ERCC4: variants seen among roughly 807,000 people sequenced by gnomAD.
ERCC4 encodes the protein ERCC excision repair 4, endonuclease catalytic subunit.
A neutral mutation model predicts 76.9 loss-of-function variants in ERCC4; 65 were observed. The observed-to-expected ratio is 0.84, with a 90% CI of 0.69 to 1.04. The LOEUF (loss-of-function observed/expected upper bound fraction) is 1.04. Among genes scored for constraint, ERCC4 ranks in the 50% least tolerant of loss-of-function variants. The pLI, the probability that ERCC4 is intolerant of heterozygous loss-of-function variation, is 0.00. For missense variants in ERCC4, 1,214 were observed against 1,128.2 expected, an observed-to-expected ratio of 1.08 and a Z score of -1.09; for synonymous variants, 463 against 410.1, an observed-to-expected ratio of 1.13 and a Z score of -1.56.
chr16:13,948,253 G>A lies in ERCC4; in HGVS notation c.2657G>A (p.Ser886Asn), dbSNP rs1474828281. ...GCCCTGTCACAAGACGAGCTCACGA[G>A]TATTCTGGGGAATGCTGCAAATGCC... ...LAALSQDELT[S>N]ILGNAANAKQ... The change falls in exon 11 of 11, where the codon AGT becomes AAT. Residue 886 changes from serine to asparagine, a missense_variant. Transcript: ENST00000311895. 1.2e-6 allele frequency: 2 copies of A among 1,614,016 alleles called. No homozygotes were observed. Among genetic ancestry groups the A allele is most frequent in the Non-Finnish European group, 1.7e-6 (2 of 1,180,034 alleles).
chr16:13,933,775 G>A (rs3136136), intron 6 of ERCC4: 22,563 of 159,818 alleles, frequency 0.14, 3,055 homozygotes, highest in African/African-American at 0.36. Context: ...GTTTGAATGC[G>A]TATAGGAACA....
chr16:13,941,500 A>C (rs1169251063), intron 9 of ERCC4, among the ~76,000 whole-genome samples: 1 of 152,224 alleles, frequency 6.6e-6, no homozygotes, highest in Non-Finnish European at 1.5e-5. Context: ...ATGTGCTTTT[A>C]CCAAGACCTC....
intron 4 of ERCC4, among the ~76,000 whole-genome samples, chr16:13,928,974 T>A (rs1404881996): frequency 6.6e-6 from 1 of 152,194 alleles, no homozygotes; most frequent in Non-Finnish European, 1.5e-5. Flanking sequence ...AAAAATTGAC[T>A]TATTTCTCTG....
chr16:13,948,089 T>C lies in ERCC4; in HGVS notation c.2493T>C (p.Ile831=), dbSNP rs1308889156. ...CTGATGCGGCGACAGCACTGGCCAT[T>C]ACAGCAGATTCTGAAACCCTTCCCG... The part of the protein sequence containing the change: ...PQPDAATALA[I]TADSETLPES... The change falls in exon 11 of 11, where the codon ATT becomes ATC. Residue 831 remains isoleucine, a synonymous_variant. Coordinates refer to ENST00000311895, the MANE Select transcript of ERCC4 (RefSeq NM_005236.3). 1 of 1,614,138 alleles carries C rather than the reference T, an allele frequency of 6.2e-7. No homozygotes were observed. The highest frequency in any genetic ancestry group is 2.2e-5 in the East Asian group (1 of 44,880).
Position 13,935,236 on chromosome 16 carries a change from T to G in ERCC4, c.1304T>G (p.Leu435Arg), listed in dbSNP as rs1001540758. 44 of 1,613,976 alleles carry G rather than the reference T, an allele frequency of 2.7e-5. No homozygotes were observed. Among genetic ancestry groups the G allele is most frequent in the Non-Finnish European group, 3.6e-5 (42 of 1,179,994 alleles). ...TLGAEAFLLR[L>R]YRKTFEKDSK... ...GGAGCGGAGGCCTTCTTATTGAGGC[T>G]CTACAGGAAAACCTTTGAGAAGGAT... Residue 435 changes from leucine (L) to arginine (R), a missense_variant, in exon 8 of 11, where the codon CTC becomes CGC. By Grantham distance (102) the Leu-to-Arg change is moderately radical (BLOSUM62 -2). Transcript: ENST00000311895.
At chr16:13,947,313 T>C (rs909594445) in intron 10 of ERCC4, among the ~76,000 whole-genome samples, 1 of 152,144 alleles carries the variant, frequency 6.6e-6, no homozygotes, top group African/African-American at 2.4e-5. Flanking sequence ...ACCAACAAAA[T>C]GTGGTCAGTG....
chr16:13,942,506 A>T (rs2141615008), intron 9 of ERCC4, among the ~76,000 whole-genome samples: 1 of 152,356 alleles, frequency 6.6e-6, no homozygotes. Context: ...TAATAATAAC[A>T]CCTAACATTT....
intron 6 of ERCC4, 194 bp from the exon 7 acceptor site, chr16:13,933,998 G>T: frequency 1.9e-6 from 1 of 524,310 alleles, no homozygotes; most frequent in Non-Finnish European, 3.4e-6. Flanking sequence ...CCATATTAAT[G>T]GTTTGAAGTA....
At chr16:13,942,957 C>G (rs550275215) in intron 9 of ERCC4, among the ~76,000 whole-genome samples, 35 of 152,312 alleles carry the variant, frequency 2.3e-4, no homozygotes, top group African/African-American at 8.4e-4. Context: ...GAGTGGCAGC[C>G]AGAGCCATTG....
At chr16:13,941,125 G>A (rs2032405187) in intron 9 of ERCC4, among the ~76,000 whole-genome samples, 1 of 152,136 alleles carries the variant, frequency 6.6e-6, no homozygotes, top group Non-Finnish European at 1.5e-5. Context: ...GACAAGATGT[G>A]GATTAGCCTT....
rs762147159 is a variant in ERCC4 at position 13,935,149 on chromosome 16, A to G, written c.1217A>G (p.Gln406Arg). 38 of 1,610,074 alleles carry G rather than the reference A, an allele frequency of 2.4e-5. No homozygotes were observed. The highest frequency in any genetic ancestry group is 1.6e-4 in the Middle Eastern group (1 of 6,076). The change falls in exon 8 of 11, where the codon CAA becomes CGA. Residue 406 changes from glutamine (Q) to arginine (R), a missense_variant. Transcript: ENST00000311895. The part of the protein sequence containing the change: ...KESEALGGPG[Q>R]VLICASDDRT... ...TAATGTTGTTTTCTATTTTCAGGTC[A>G]AGTACTGATTTGTGCAAGTGATGAC...
chr16:13,949,544 G>C lies in ERCC4; in HGVS notation c.*1197G>C, dbSNP rs1190618242. ...AATGAGTGGCCCACTAAGCTTTTAA[G>C]ATTTGATTTTCCTGCCTTGAGATAA... On this transcript the variant is annotated 3_prime_UTR_variant, in exon 11 of 11. Coordinates refer to ENST00000311895, the MANE Select transcript of ERCC4 (RefSeq NM_005236.3). 1 of 232,898 alleles carries C rather than the reference G, an allele frequency of 4.3e-6. No homozygotes were observed. The highest frequency in any genetic ancestry group is 8.5e-6 in the Non-Finnish European group (1 of 117,922). 14.4% of individuals were successfully genotyped at this position (232,898 alleles called of 1,614,324 possible).
chr16:13,951,369 TG>T lies in ERCC4; in HGVS notation c.*3023del. ...GCATTTTTCTATTTTACAAGTTTTTTGTATAAAAAGGTGAACATATGAGATA... is the reference window on the plus strand; with the variant it reads ...GCATTTTTCTATTTTACAAGTTTTTTTATAAAAAGGTGAACATATGAGATA... On this transcript the variant is annotated 3_prime_UTR_variant, in exon 11 of 11. Transcript: ENST00000311895. 1 of 197,918 alleles carries T rather than the reference TG, an allele frequency of 5.1e-6. No individual in the cohort carries two copies. The highest frequency in any genetic ancestry group is 1.0e-5 in the Non-Finnish European group (1 of 95,572). 12.3% of individuals were successfully genotyped at this position (197,918 alleles called of 1,614,324 possible). A position where few individuals can be genotyped will look rare whatever the true frequency, so the allele number is the denominator to read the frequency against.
intron 9 of ERCC4, 69 bp from the exon 10 acceptor site, chr16:13,944,654 A>G (rs933171361): frequency 3.6e-5 from 38 of 1,043,796 alleles, no homozygotes; most frequent in African/African-American, 3.6e-4. Flanking sequence ...CAATACTACA[A>G]TTTACACACA....
intron 2 of ERCC4, among the ~76,000 whole-genome samples, chr16:13,924,133 C>T (rs2032029490): frequency 6.6e-6 from 1 of 152,128 alleles, no homozygotes; most frequent in South Asian, 2.1e-4. Context: ...ATTCTTTCAT[C>T]CCCTGGGATC....
chr16:13,924,827 T>G (rs1332653121), intron 2 of ERCC4, among the ~76,000 whole-genome samples: 3 of 152,296 alleles, frequency 2.0e-5, no homozygotes. Flanking sequence ...GTTCCTGTTC[T>G]CGGGCAGTTT....
chr16:13,946,442 T>G (rs562534524), intron 10 of ERCC4, among the ~76,000 whole-genome samples: 7 of 152,362 alleles, frequency 4.6e-5, no homozygotes, highest in Non-Finnish European at 8.8e-5. Flanking sequence ...TATTTGTGTA[T>G]GTAAACACAT....
rs1200637094 is a variant in ERCC4 at position 13,949,834 on chromosome 16, G to T, written c.*1487G>T. 1 of 232,384 alleles carries T rather than the reference G, an allele frequency of 4.3e-6. No individual in the cohort carries two copies. The highest frequency in any genetic ancestry group is 2.2e-5 in the African/African-American group (1 of 45,292). The allele number at this position is 232,384 out of a possible 1,614,324, so 14.4% of individuals were successfully genotyped here. On this transcript the variant is annotated 3_prime_UTR_variant, in exon 11 of 11. Transcript: ENST00000311895. ...ACCTCAGGAGCTGATATAGACATCA[G>T]TTCTGCTAGCCATATCACATATTTT... is the stretch of plus-strand genomic sequence containing the variant.
At chr16:13,946,991 T>A (rs538020049) in intron 10 of ERCC4, among the ~76,000 whole-genome samples, 15 of 152,160 alleles carry the variant, frequency 9.9e-5, no homozygotes, top group African/African-American at 2.9e-4. Context: ...CAAACTCCTT[T>A]CCTCAGGTGA....
Sources: gnomAD v4.1 joint callset for allele counts (sites outside exome capture counted in the v4.1 genomes callset) on GRCh38, gnomAD v4.1.1 for gene constraint, MANE v1.5 for transcripts, NCBI Gene and HGNC (gene_info 2026-07-23, HGNC 2026-07-21) for gene names.